Variants in COL4A4 observed in about 807,000 individuals in gnomAD.
COL4A4 encodes collagen type IV alpha 4 chain, also known as collagen alpha-4(IV) chain.
Under a neutral mutation model 192.9 loss-of-function variants are expected in COL4A4, and 105 were observed. The ratio of observed to expected loss-of-function variants is 0.54; its 90% CI spans 0.46 to 0.64. COL4A4 has a LOEUF of 0.64. COL4A4 is among the 30% of genes least tolerant of loss of function. The pLI is 0.00. For missense variants in COL4A4, 1,967 were observed against 2,169.3 expected (o/e 0.91, Z 1.85); for synonymous variants, 762 against 769.9 (o/e 0.99, Z 0.17).
At chr2:227,023,308 T>C (rs372691613) in intron 43 of COL4A4, among the ~76,000 whole-genome samples, 2 of 151,228 alleles carry the variant, frequency 1.3e-5, no homozygotes, top group Non-Finnish European at 2.9e-5. Flanking sequence ...CTGGGTGTAG[T>C]GGCAAGTGCC....
chr2:227,015,793 C>T (rs373994881), intron 44 of COL4A4, among the ~76,000 whole-genome samples: 3 of 152,072 alleles, frequency 2.0e-5, no homozygotes, highest in Non-Finnish European at 2.9e-5. Flanking sequence ...TAGGAAAATA[C>T]GCAATGACAT....
At chr2:227,047,165 T>C (rs544821307) in intron 35 of COL4A4, among the ~76,000 whole-genome samples, 1 of 152,076 alleles carries the variant, frequency 6.6e-6, no homozygotes, top group South Asian at 2.1e-4. Context: ...ATTTTAATTG[T>C]TTGCAATATT....
rs540022641 is a variant in COL4A4 at position 227,074,310 on chromosome 2, C to A, written c.1987+3584G>T. Among the ~76,000 whole-genome samples the A allele has an allele frequency of 3.9e-5, 6 of 152,176 alleles. No homozygotes were observed. In the South Asian group the frequency reaches 1.2e-3, roughly 32 times the overall value. On this transcript the variant is annotated intron_variant, in intron 25 of 47. Coordinates refer to ENST00000396625, the MANE Select transcript of COL4A4 (RefSeq NM_000092.5). ...AAGCATGTGAAAAAATACTCAACAT[C>A]ACTAATCATTAGGGAAATGCCAATT... is the stretch of plus-strand genomic sequence containing the variant.
intron 1 of COL4A4, among the ~76,000 whole-genome samples, chr2:227,155,119 T>C (rs1205463041): frequency 6.6e-6 from 1 of 152,154 alleles, no homozygotes; most frequent in East Asian, 1.9e-4. Flanking sequence ...TCAACTAAAT[T>C]CTTGAGAATG....
intron 1 of COL4A4, among the ~76,000 whole-genome samples, chr2:227,156,642 C>T (rs1470034155): frequency 1.3e-5 from 2 of 151,988 alleles, no homozygotes; most frequent in African/African-American, 4.8e-5. Context: ...AGCATAAATT[C>T]ACTCTGAGAA....
intron 31 of COL4A4, among the ~76,000 whole-genome samples, chr2:227,053,363 T>C (rs759204572): frequency 7.2e-5 from 11 of 152,046 alleles, no homozygotes; most frequent in Non-Finnish European, 1.2e-4. Context: ...GCAAAAATCC[T>C]TGGGTCTGAA....
chr2:227,045,963 ATATT>A (rs754814949), intron 35 of COL4A4, among the ~76,000 whole-genome samples: 906 of 76,788 alleles, frequency 0.012, 68 homozygotes, highest in Non-Finnish European at 0.016. Flanking sequence ...ATATATGTAT[ATATT>A]TATATGTGTA....
At chr2:227,107,037 A>G (rs145205972) in intron 12 of COL4A4, among the ~76,000 whole-genome samples, 141 of 152,324 alleles carry the variant, frequency 9.3e-4, no homozygotes, top group African/African-American at 3.3e-3. Context: ...TAAGATGCCA[A>G]TGCTTGCTGG....
At position 227,111,402 on chromosome 2, in the gene COL4A4, C is replaced by A. The variant is rs4306710; in HGVS notation, c.594+276G>T. Among the ~76,000 whole-genome samples the A allele has an allele frequency of 0.2, 30,177 of 151,918 alleles. 4,860 individuals are homozygous for A. Among genetic ancestry groups the A allele is most frequent in the African/African-American group, 0.44 (18,196 of 41,336 alleles). On this transcript the variant is annotated intron_variant, in intron 9 of 47. Transcript: ENST00000396625. Reference sequence around the variant, plus strand: ...ATATACCTGAGTAATGTCACGAGATCATTAGAAGACAGAAGAGGAAGGCAG... The same window carrying A: ...ATATACCTGAGTAATGTCACGAGATAATTAGAAGACAGAAGAGGAAGGCAG...
At chr2:227,101,021 G>T (rs1406939924) in intron 17 of COL4A4, among the ~76,000 whole-genome samples, 1 of 152,068 alleles carries the variant, frequency 6.6e-6, no homozygotes, top group East Asian at 1.9e-4. Flanking sequence ...TGTTAGCCAG[G>T]ATGGTCTCGA....
At chr2:227,010,058 CTTA>C (rs1258447315) in intron 46 of COL4A4, among the ~76,000 whole-genome samples, 4 of 151,988 alleles carry the variant, frequency 2.6e-5, no homozygotes, top group Admixed American at 6.6e-5. Context: ...TAATAATATA[CTTA>C]TTATTAGCCA....
At chr2:226,987,864 G>C in the COL4A4 span, among the ~76,000 whole-genome samples, 1 of 152,354 alleles carries the variant, frequency 6.6e-6, no homozygotes, top group South Asian at 2.1e-4. Context: ...TCTGTGGTGA[G>C]GGGGTGGAGG....
intron 23 of COL4A4, among the ~76,000 whole-genome samples, chr2:227,080,851 C>A (rs1478652319): frequency 6.6e-6 from 1 of 152,160 alleles, no homozygotes; most frequent in Non-Finnish European, 1.5e-5. Flanking sequence ...CTATCCCTGG[C>A]CATGGGAAAG....
chr2:226,969,332 A>G, the COL4A4 span, among the ~76,000 whole-genome samples: 1 of 151,116 alleles, frequency 6.6e-6, no homozygotes, highest in Non-Finnish European at 1.5e-5. Context: ...CCTGTATATA[A>G]GTCTGTGCCC....
chr2:227,027,497 G>A (rs1379030168), intron 42 of COL4A4, among the ~76,000 whole-genome samples: 1 of 135,180 alleles, frequency 7.4e-6, no homozygotes, highest in Non-Finnish European at 1.6e-5. Flanking sequence ...GGAGGGGGGA[G>A]GGGGGAGGGA....
At chr2:227,092,080 T>C (rs2059972231) in intron 20 of COL4A4, among the ~76,000 whole-genome samples, 1 of 151,346 alleles carries the variant, frequency 6.6e-6, no homozygotes, top group South Asian at 2.1e-4. Context: ...AAAAAAGAGC[T>C]CCTATGAGCT....
chr2:227,010,487 T>A lies in COL4A4; in HGVS notation c.4348A>T (p.Ile1450Phe). 6.3e-7 allele frequency: 1 copy of A among 1,586,308 alleles called. No individual in the cohort carries two copies. Residue 1450 changes from isoleucine to phenylalanine, a missense_variant, in exon 46 of 48, where the codon ATT becomes TTT. Coordinates refer to ENST00000396625, the MANE Select transcript of COL4A4 (RefSeq NM_000092.5). ...AACCCTTTGGGCCCAGGATCCCCAATGGGACCAGGAGGCCCTGGAGGAACA... is the reference window on the plus strand; with the variant it reads ...AACCCTTTGGGCCCAGGATCCCCAAAGGGACCAGGAGGCCCTGGAGGAACA... ...YPGGPGPPGP[I>F]GDPGPKGFGP...
chr2:226,996,912 A>T, the COL4A4 span: 1 of 152,202 alleles, frequency 6.6e-6, no homozygotes, highest in Non-Finnish European at 1.5e-5. Context: ...ACAAATAAAT[A>T]CATACACAAT....
chr2:226,992,527 C>A, the COL4A4 span, among the ~76,000 whole-genome samples: 1 of 152,132 alleles, frequency 6.6e-6, no homozygotes. Flanking sequence ...TTGTTATACC[C>A]AAGGTCTTCT....
Sources: allele counts gnomAD v4.1 joint callset (sites outside exome capture counted in the v4.1 genomes callset), GRCh38; gene constraint gnomAD v4.1.1; transcripts MANE v1.5; gene names NCBI Gene and HGNC (gene_info 2026-07-23, HGNC 2026-07-21).